Variants in UBE2D3 observed in about 807,000 individuals in gnomAD.
The protein encoded by UBE2D3 is ubiquitin-conjugating enzyme E2 D3.
In UBE2D3, 2 loss-of-function variants were observed where a neutral mutation model predicts 22.8. That is an observed-to-expected ratio of 0.09 (90% CI 0.04 to 0.28). UBE2D3 has a LOEUF of 0.28. Ranked by LOEUF, UBE2D3 falls within the 10% of genes least tolerant of loss-of-function variation. UBE2D3 has a pLI of 1.00. For synonymous variants in UBE2D3, 56 were observed against 60.4 expected (o/e 0.93, Z 0.34); for missense variants, 27 against 182.5 (o/e 0.15, Z 4.91).
At position 102,796,362 on chromosome 4, in the gene UBE2D3, T is replaced by G. The variant is rs1182245924; in HGVS notation, c.*1053A>C. On this transcript the variant is annotated 3_prime_UTR_variant, in exon 8 of 8. Transcript: ENST00000453744. The stretch of plus-strand genomic sequence containing the variant: ...AGTATCATGTGCAGCACATTAAAGC[T>G]ACACTATCCAAATAGCTTATTAATT... The G allele has an allele frequency of 2.6e-5, 4 of 152,468 alleles. No homozygotes were observed. Among genetic ancestry groups the G allele is most frequent in the Non-Finnish European group, 5.9e-5 (4 of 67,930 alleles). The allele number at this position is 152,468 out of a possible 1,614,324, so 9.4% of individuals were successfully genotyped here.
At chr4:102,798,963 G>C in intron 7 of UBE2D3, 1 of 1,611,602 alleles carries the variant, frequency 6.2e-7, no homozygotes, top group Non-Finnish European at 8.5e-7. Context: ...CCACTCTCTT[G>C]CTAACCTATT....
At chr4:102,848,921 CTGTGTGTGTGTGTGTGTGTG>C (rs147050383) in intron 1 of UBE2D3, among the ~76,000 whole-genome samples, 15 of 142,830 alleles carry the variant, frequency 1.1e-4, no homozygotes, top group East Asian at 4.2e-4. Flanking sequence ...TTATGTGTGC[CTGTGTGTGTGTGTGTGTGTG>C]TGTGTGTGTG....
chr4:102,806,367 T>G (rs1464691778), intron 4 of UBE2D3, among the ~76,000 whole-genome samples: 1 of 152,162 alleles, frequency 6.6e-6, no homozygotes, highest in African/African-American at 2.4e-5. Flanking sequence ...TAGTTACCAT[T>G]ATCCACCCAT....
intron 2 of UBE2D3, chr4:102,811,832 CAT>C (rs768271446): frequency 1.4e-5 from 6 of 426,128 alleles, no homozygotes; most frequent in Non-Finnish European, 2.3e-5. Flanking sequence ...GCTTGGATAA[CAT>C]AGTGAGACCC....
intron 2 of UBE2D3, chr4:102,811,689 C>T: frequency 2.7e-6 from 1 of 376,968 alleles, no homozygotes; most frequent in South Asian, 1.9e-5. Flanking sequence ...AAAAAAAAAA[C>T]CCCAGAAAAG....
At chr4:102,853,171 T>C (rs223355) in intron 1 of UBE2D3, among the ~76,000 whole-genome samples, 63,598 of 121,320 alleles carry the variant, frequency 0.52, 17,584 homozygotes, top group African/African-American at 0.73. Flanking sequence ...GAGACGGAGT[T>C]TCGCTCTGTC....
chr4:102,798,216 T>C (rs993003193), intron 7 of UBE2D3, among the ~76,000 whole-genome samples: 1 of 143,278 alleles, frequency 7.0e-6, no homozygotes, highest in Non-Finnish European at 1.5e-5. Context: ...AGCTTCCCCC[T>C]GGATTATACT....
In UBE2D3 at chr4:102,799,515, A is replaced by C; in HGVS notation, c.305-15T>G. ...GGATAAAAGAACTGCAAGAAAACAA[A>C]AACATCTGTTACCCAGTTTCAGGAG... On this transcript the variant is annotated splice_polypyrimidine_tract_variant and intron_variant, in intron 6 of 7. Transcript: ENST00000453744. The C allele has an allele frequency of 6.3e-7, 1 of 1,593,458 alleles. No homozygotes were observed. The highest frequency in any genetic ancestry group is 8.6e-7 in the Non-Finnish European group (1 of 1,165,746).
chr4:102,838,262 G>A (rs1731531663), intron 1 of UBE2D3, among the ~76,000 whole-genome samples: 1 of 152,156 alleles, frequency 6.6e-6, no homozygotes, highest in Non-Finnish European at 1.5e-5. Flanking sequence ...ACCTTTTACT[G>A]TGTTCCGTGT....
At chr4:102,811,840 G>A (rs1006941261) in intron 2 of UBE2D3, 2 of 414,254 alleles carry the variant, frequency 4.8e-6, no homozygotes, top group African/African-American at 2.1e-5. Flanking sequence ...AACATAGTGA[G>A]ACCCCATTCT....
intron 5 of UBE2D3, chr4:102,802,267 A>C (rs1434185539): frequency 4.2e-6 from 1 of 239,988 alleles, no homozygotes; most frequent in Non-Finnish European, 7.9e-6. Context: ...TGATGCTTAC[A>C]AGACAACAAA....
chr4:102,854,947 C>G (rs1034661075), intron 1 of UBE2D3, among the ~76,000 whole-genome samples: 52 of 152,216 alleles, frequency 3.4e-4, no homozygotes, highest in African/African-American at 1.2e-3. Flanking sequence ...TCACCAGCAA[C>G]AGATCAGGCT....
At position 102,818,916 on chromosome 4, in the gene UBE2D3, T is replaced by A. The variant is rs576922864; in HGVS notation, c.24+7569A>T. Among the ~76,000 whole-genome samples the A allele has an allele frequency of 3.0e-4, 45 of 152,294 alleles. 1 individual carries two copies. The highest frequency in any genetic ancestry group is 2.7e-3 in the South Asian group (13 of 4,830). ...ATGCTTTCTGCTTCTCTATTCTCTA[T>A]CTTCCTCATTCAATGATAAGTGGTA... On this transcript the variant is annotated intron_variant, in intron 2 of 7. Transcript: ENST00000453744.
intron 1 of UBE2D3, among the ~76,000 whole-genome samples, chr4:102,839,154 G>A (rs1304966390): frequency 1.3e-5 from 2 of 152,162 alleles, no homozygotes; most frequent in Non-Finnish European, 2.9e-5. Context: ...AAAACTAGGA[G>A]AAACTGACTA....
At chr4:102,834,484 C>T (rs751349239) in intron 1 of UBE2D3, among the ~76,000 whole-genome samples, 3 of 152,124 alleles carry the variant, frequency 2.0e-5, no homozygotes, top group Non-Finnish European at 2.9e-5. Flanking sequence ...TGTGGTGGTA[C>T]ATAGCTGTAA....
chr4:102,837,431 T>A (rs1731470006), intron 1 of UBE2D3, among the ~76,000 whole-genome samples: 1 of 152,246 alleles, frequency 6.6e-6, no homozygotes, highest in Non-Finnish European at 1.5e-5. Flanking sequence ...GTTGTAAGTT[T>A]GTGGCAGCCC....
chr4:102,838,407 A>T (rs1019081331), intron 1 of UBE2D3, among the ~76,000 whole-genome samples: 1 of 152,130 alleles, frequency 6.6e-6, no homozygotes, highest in Non-Finnish European at 1.5e-5. Flanking sequence ...TTCCCCAGGG[A>T]AATTTGAAAA....
intron 7 of UBE2D3, among the ~76,000 whole-genome samples, chr4:102,798,089 C>G (rs1578213513): frequency 1.3e-5 from 2 of 151,626 alleles, no homozygotes; most frequent in Admixed American, 1.3e-4. Context: ...GGCTAATAAG[C>G]ACCACTGAGA....
upstream of UBE2D3, chr4:102,828,104 T>A: frequency 2.0e-6 from 2 of 985,392 alleles, no homozygotes; most frequent in Non-Finnish European, 2.4e-6. Flanking sequence ...CGGCTCGAAC[T>A]GGGGCGGGCC....
Sources: gnomAD v4.1 joint callset for allele counts (sites outside exome capture counted in the v4.1 genomes callset) on GRCh38, gnomAD v4.1.1 for gene constraint, MANE v1.5 for transcripts, NCBI Gene and HGNC (gene_info 2026-07-23, HGNC 2026-07-21) for gene names.